Variants in ARHGAP15 observed in about 807,000 individuals in gnomAD.
The protein encoded by ARHGAP15 is Rho GTPase activating protein 15.
In ARHGAP15, 51 loss-of-function variants were observed where a neutral mutation model predicts 63.7. That is an observed-to-expected ratio of 0.80 (90% CI 0.64 to 1.01). ARHGAP15 has a LOEUF of 1.01. ARHGAP15 is among the 50% of genes least tolerant of loss of function. The pLI is 0.00. For missense variants in ARHGAP15, 560 were observed against 564.6 expected, an observed-to-expected ratio of 0.99 and a Z score of 0.08; for synonymous variants, 191 against 193.8, an observed-to-expected ratio of 0.99 and a Z score of 0.12.
intron 8 of ARHGAP15, among the ~76,000 whole-genome samples, chr2:143,481,705 A>G (rs1559000518): frequency 6.6e-6 from 1 of 152,186 alleles, no homozygotes; most frequent in Non-Finnish European, 1.5e-5. Flanking sequence ...TACAGTAAGC[A>G]TTCGTAGCTC....
intron 6 of ARHGAP15, among the ~76,000 whole-genome samples, chr2:143,338,465 A>T (rs13033976): frequency 0.98 from 149,825 of 152,290 alleles, 73,758 homozygotes; most frequent in Middle Eastern, 1. Context: ...AGCCTATGTG[A>T]CATTAAAATA....
intron 3 of ARHGAP15, among the ~76,000 whole-genome samples, chr2:143,214,193 T>G (rs576382446): frequency 6.6e-6 from 1 of 152,338 alleles, no homozygotes; most frequent in Non-Finnish European, 1.5e-5. Context: ...CATGCATCAA[T>G]TTTTATGATG....
At chr2:143,527,621 C>G (rs1284722923) in intron 10 of ARHGAP15, among the ~76,000 whole-genome samples, 1 of 151,954 alleles carries the variant, frequency 6.6e-6, no homozygotes, top group Non-Finnish European at 1.5e-5. Flanking sequence ...TAAATACACA[C>G]TCTTTTTTAA....
intron 10 of ARHGAP15, among the ~76,000 whole-genome samples, chr2:143,546,495 C>T (rs555077927): frequency 6.6e-6 from 1 of 152,286 alleles, no homozygotes; most frequent in African/African-American, 2.4e-5. Context: ...ACAGATTACT[C>T]CTCCTGAGAC....
At chr2:143,168,817 T>C (rs996335697) in intron 2 of ARHGAP15, among the ~76,000 whole-genome samples, 12 of 152,040 alleles carry the variant, frequency 7.9e-5, no homozygotes, top group Non-Finnish European at 1.8e-4. Context: ...ACTAATTAAT[T>C]TGGAGACTTT....
intron 6 of ARHGAP15, among the ~76,000 whole-genome samples, chr2:143,280,132 T>C (rs1310427187): frequency 2.0e-5 from 3 of 152,228 alleles, no homozygotes; most frequent in Non-Finnish European, 4.4e-5. Flanking sequence ...CATAGCTATA[T>C]GATTTACTGG....
At chr2:143,334,461 TTTAAAG>T (rs1325082311) in intron 6 of ARHGAP15, among the ~76,000 whole-genome samples, 1 of 152,200 alleles carries the variant, frequency 6.6e-6, no homozygotes, top group East Asian at 1.9e-4. Flanking sequence ...TTTTTTCTAT[TTTAAAG>T]TTAAATTTCA....
In ARHGAP15 at chr2:143,662,320, C is replaced by T. The variant is rs1325454034; in HGVS notation, c.1138+38053C>T. Among the ~76,000 whole-genome samples the T allele has an allele frequency of 1.1e-4, 16 of 148,870 alleles. No individual in the cohort carries two copies. In the South Asian group the frequency reaches 1.3e-3, roughly 12 times the overall value. On this transcript the variant is annotated intron_variant, in intron 12 of 13. Coordinates refer to ENST00000295095, the MANE Select transcript of ARHGAP15 (RefSeq NM_018460.4). ...AGCAGGGGCACACTGACACCTCACA[C>T]GGCAGGGTATTCCAACAGACCTGCA...
chr2:143,225,895 T>C (rs1281268890), intron 4 of ARHGAP15, among the ~76,000 whole-genome samples: 1 of 152,192 alleles, frequency 6.6e-6, no homozygotes, highest in Non-Finnish European at 1.5e-5. Context: ...AAAATCGAGA[T>C]GAAAGAGGAC....
intron 6 of ARHGAP15, among the ~76,000 whole-genome samples, chr2:143,379,969 T>C (rs754106025): frequency 1.3e-4 from 20 of 152,084 alleles, no homozygotes; most frequent in Non-Finnish European, 2.5e-4. Context: ...TTACCCATTT[T>C]TGTATGTATC....
intron 5 of ARHGAP15, chr2:143,236,125 A>AT (rs1225666977): frequency 4.1e-6 from 4 of 967,100 alleles, no homozygotes; most frequent in Admixed American, 7.6e-5. Flanking sequence ...GTGTCATATA[A>AT]TTTTTTTCTT....
intron 6 of ARHGAP15, among the ~76,000 whole-genome samples, chr2:143,320,409 C>G (rs1683955838): frequency 6.6e-5 from 1 of 15,134 alleles, no homozygotes; most frequent in African/African-American, 1.3e-4. Flanking sequence ...GACTTCCCCA[C>G]CCCCCCCCCC....
chr2:143,273,624 CAT>C (rs766561611), intron 6 of ARHGAP15, among the ~76,000 whole-genome samples: 202 of 152,130 alleles, frequency 1.3e-3, no homozygotes, highest in Non-Finnish European at 1.3e-3. Context: ...GTCCTTATGC[CAT>C]ATGTTGCATG....
chr2:143,156,914 G>A, intron 2 of ARHGAP15, among the ~76,000 whole-genome samples: 1 of 152,090 alleles, frequency 6.6e-6, no homozygotes, highest in South Asian at 2.1e-4. Context: ...AGTGGTTAGA[G>A]TAAATTATTG....
At chr2:143,207,007 A>G (rs191423428) in intron 3 of ARHGAP15, among the ~76,000 whole-genome samples, 320 of 151,604 alleles carry the variant, frequency 2.1e-3, no homozygotes, top group African/African-American at 7.4e-3. Flanking sequence ...AGTTTTTTAC[A>G]TAAAAAATTA....
intron 12 of ARHGAP15, among the ~76,000 whole-genome samples, chr2:143,683,126 A>G (rs1683181547): frequency 6.6e-6 from 1 of 152,210 alleles, no homozygotes; most frequent in Admixed American, 6.5e-5. Flanking sequence ...AACAGGTTGT[A>G]AGGACTGATT....
intron 6 of ARHGAP15, among the ~76,000 whole-genome samples, chr2:143,259,705 T>A (rs1355237092): frequency 1.3e-5 from 2 of 152,146 alleles, no homozygotes; most frequent in Non-Finnish European, 2.9e-5. Context: ...ATTCATCTGA[T>A]GGCAGTCCTT....
intron 9 of ARHGAP15, among the ~76,000 whole-genome samples, chr2:143,499,460 A>G (rs2104929272): frequency 6.6e-6 from 1 of 152,322 alleles, no homozygotes; most frequent in East Asian, 1.9e-4. Context: ...TTGTGAACAG[A>G]CTTCAGTAGT....
intron 10 of ARHGAP15, among the ~76,000 whole-genome samples, chr2:143,529,366 ACTTC>A (rs1248081106): frequency 6.6e-6 from 1 of 151,966 alleles, no homozygotes; most frequent in Non-Finnish European, 1.5e-5. Flanking sequence ...GGGCCTCCAT[ACTTC>A]CTTTTGAGAT....
Sources: gnomAD v4.1 joint callset for allele counts (sites outside exome capture counted in the v4.1 genomes callset) on GRCh38, gnomAD v4.1.1 for gene constraint, MANE v1.5 for transcripts, NCBI Gene and HGNC (gene_info 2026-07-23, HGNC 2026-07-21) for gene names.